The following HOXD9 variants were observed in gnomAD, a reference collection of about 807,000 sequenced individuals.
HOXD9 encodes homeobox protein Hox-D9.
In HOXD9, 21 loss-of-function variants were observed where a neutral mutation model predicts 24.6. The ratio of observed to expected loss-of-function variants is 0.85; its 90% CI spans 0.61 to 1.23. HOXD9 has a LOEUF of 1.23. Ranked by LOEUF, HOXD9 falls within the 50% of genes most tolerant of loss-of-function variation. HOXD9 has a pLI of 0.00. For missense variants in HOXD9, 503 were observed against 503.6 expected, an observed-to-expected ratio of 1.00 and a Z score of 0.01; for synonymous variants, 240 against 226.4, an observed-to-expected ratio of 1.06 and a Z score of -0.54.
At position 176,123,909 on chromosome 2, in the gene HOXD9, C is replaced by A; in HGVS notation, c.818-25C>A. 1 of 1,595,102 alleles carries A rather than the reference C, an allele frequency of 6.3e-7. No individual in the cohort carries two copies. Among genetic ancestry groups the A allele is most frequent in the Non-Finnish European group, 8.6e-7 (1 of 1,165,368 alleles). ...TGCCTCCCCTCCTCTCCTCTCTCCC[C>A]GTCTCCAAACCTCCCTCTTTGTAGA... is the stretch of plus-strand genomic sequence containing the variant. On this transcript the variant is annotated intron_variant, in intron 1 of 1. Transcript: ENST00000249499. The surrounding 1 kb of genome is among the most constrained non-coding windows in gnomAD (Gnocchi z 4.2).
At position 176,124,171 on chromosome 2, in the gene HOXD9, A is replaced by G; in HGVS notation, c.1055A>G (p.Asp352Gly). Residue 352 changes from aspartate to glycine, a missense_variant, in exon 2 of 2, where the codon GAC becomes GGC. Physicochemically the swap from Asp to Gly is moderately conservative, Grantham distance 94 (BLOSUM62 -1). Coordinates refer to ENST00000249499, the MANE Select transcript of HOXD9 (RefSeq NM_014213.4). ...AGCAAGGAGAAATGCCCCAAAGGAG[A>G]CTGACCCGGCGCGGTGCTGGCGGGA... ...KMSKEKCPKG[D>G] 2 of 1,605,470 alleles carry G rather than the reference A, an allele frequency of 1.2e-6. No individual in the cohort carries two copies. The highest frequency in any genetic ancestry group is 1.7e-6 in the Non-Finnish European group (2 of 1,173,324).
chr2:176,123,324 T>A lies in HOXD9; in HGVS notation c.556T>A (p.Ser186Thr), dbSNP rs1422606264. Residue 186 changes from serine (S) to threonine (T), a missense_variant, in exon 1 of 2, where the codon TCC becomes ACC. Coordinates refer to ENST00000249499, the MANE Select transcript of HOXD9 (RefSeq NM_014213.4). The surrounding 1 kb of genome is among the most constrained non-coding windows in gnomAD (Gnocchi z 4.2). ...TTSSSSTSLS[S>T]SSKRTECSVA... ...CTCCTCCTCCTCCACTTCCTTATCC[T>A]CCTCCTCCAAACGGACTGAGTGCTC... 12 of 1,548,606 alleles carry A rather than the reference T, an allele frequency of 7.7e-6. No homozygotes were observed. The highest frequency in any genetic ancestry group is 9.6e-6 in the Non-Finnish European group (11 of 1,146,174).
chr2:176,123,202 C>G lies in HOXD9; in HGVS notation c.434C>G (p.Pro145Arg). 1 of 1,432,574 alleles carries G rather than the reference C, an allele frequency of 7.0e-7. No homozygotes were observed. The highest frequency in any genetic ancestry group is 9.1e-7 in the Non-Finnish European group (1 of 1,094,068). The allele number at this position is 1,432,574 out of a possible 1,614,324, so 88.7% of individuals were successfully genotyped here. A position where few individuals can be genotyped will look rare whatever the true frequency, so the allele number is the denominator to read the frequency against. The change falls in exon 1 of 2, where the codon CCC becomes CGC. Residue 145 changes from proline (P) to arginine (R), a missense_variant. Pro to Arg is a moderately radical substitution (Grantham distance 103, BLOSUM62 -2). Coordinates refer to ENST00000249499, the MANE Select transcript of HOXD9 (RefSeq NM_014213.4). The surrounding 1 kb of genome is among the most constrained non-coding windows in gnomAD (Gnocchi z 4.2). ...GGGGGGPGRG[P>R]SPGPSGPANG... is the part of the protein sequence containing the mutation. ...GGAGGCGGCGGTCCGGGCCGCGGTCCCAGCCCTGGCCCCAGCGGCCCAGCC... is the reference window on the plus strand; with the variant it reads ...GGAGGCGGCGGTCCGGGCCGCGGTCGCAGCCCTGGCCCCAGCGGCCCAGCC...
Position 176,123,299 on chromosome 2 carries a change from C to G in HOXD9, c.531C>G (p.Thr177=). The G allele has an allele frequency of 1.3e-6, 2 of 1,529,648 alleles. No individual in the cohort carries two copies. The highest frequency in any genetic ancestry group is 1.8e-6 in the Non-Finnish European group (2 of 1,135,012). 94.8% of individuals were successfully genotyped at this position (1,529,648 alleles called of 1,614,324 possible). ...CCCCCGCCACGGCCGCCTCCACCACCTCCTCCTCCTCCACTTCCTTATCCT... is the reference window on the plus strand; with the variant it reads ...CCCCCGCCACGGCCGCCTCCACCACGTCCTCCTCCTCCACTTCCTTATCCT... ...APAPATAAST[T]SSSSTSLSSS... Residue 177 remains threonine (T), a synonymous_variant, in exon 1 of 2, where the codon ACC becomes ACG. Transcript: ENST00000249499. This position sits in a 1 kb window ranked among gnomAD's most constrained non-coding sequence, Gnocchi z 4.2.
chr2:176,123,641 T>C lies in HOXD9; in HGVS notation c.817+56T>C. 1 of 1,476,866 alleles carries C rather than the reference T, an allele frequency of 6.8e-7. No individual in the cohort carries two copies. Among genetic ancestry groups the C allele is most frequent in the Non-Finnish European group, 9.0e-7 (1 of 1,113,452 alleles). 91.5% of individuals were successfully genotyped at this position (1,476,866 alleles called of 1,614,324 possible). A position where few individuals can be genotyped will look rare whatever the true frequency, so the allele number is the denominator to read the frequency against. The stretch of plus-strand genomic sequence containing the variant: ...ATTGCTGAAACCTGTAAGGCTCGAA[T>C]GTGCAAAACTGATAGTTTTACTAAC... On this transcript the variant is annotated intron_variant, in intron 1 of 1. Transcript: ENST00000249499. The surrounding 1 kb of genome is among the most constrained non-coding windows in gnomAD (Gnocchi z 4.2).
Position 176,122,849 on chromosome 2 carries a change from C to A in HOXD9, c.81C>A (p.Gly27=). The change falls in exon 1 of 2, where the codon GGC becomes GGA. Residue 27 remains glycine, a synonymous_variant. Coordinates refer to ENST00000249499, the MANE Select transcript of HOXD9 (RefSeq NM_014213.4). ...LSNYYVDSLI[G]HEGDEVFAAR... is the part of the protein sequence containing the mutation. ...ACTACTACGTGGACTCGCTTATAGG[C>A]CATGAGGGCGACGAGGTGTTCGCGG... The A allele has an allele frequency of 6.3e-7, 1 of 1,590,976 alleles. No individual in the cohort carries two copies. Among genetic ancestry groups the A allele is most frequent in the South Asian group, 1.1e-5 (1 of 88,434 alleles).
In HOXD9 at chr2:176,123,809, C is replaced by A; in HGVS notation, c.818-125C>A. The stretch of plus-strand genomic sequence containing the variant: ...ATTAAGGCTTTTTATGATAATTCCC[C>A]ACAAGTTGTGAAAAGCGACCATCCT... On this transcript the variant is annotated intron_variant, in intron 1 of 1. Transcript: ENST00000249499. This position sits in a 1 kb window ranked among gnomAD's most constrained non-coding sequence, Gnocchi z 4.2. 3 of 1,047,048 alleles carry A rather than the reference C, an allele frequency of 2.9e-6. No homozygotes were observed. The highest frequency in any genetic ancestry group is 1.7e-5 in the South Asian group (1 of 60,150). 64.9% of individuals were successfully genotyped at this position (1,047,048 alleles called of 1,614,324 possible).
chr2:176,122,781 A>G lies in HOXD9; in HGVS notation c.13A>G (p.Ser5Gly). The G allele has an allele frequency of 6.6e-7, 1 of 1,517,408 alleles. No individual in the cohort carries two copies. The highest frequency in any genetic ancestry group is 8.8e-7 in the Non-Finnish European group (1 of 1,137,058). The allele number at this position is 1,517,408 out of a possible 1,614,324, so 94.0% of individuals were successfully genotyped here. The change falls in exon 1 of 2, where the codon AGT becomes GGT. Residue 5 changes from serine (S) to glycine (G), a missense_variant. Transcript: ENST00000249499. MLGG[S>G]AGRLKMSSSG... is the part of the protein sequence containing the mutation. The stretch of plus-strand genomic sequence containing the variant: ...GGCGGACAGTGTAATGTTGGGTGGG[A>G]GTGCGGGACGCCTCAAAATGTCTTC...
Position 176,123,999 on chromosome 2 carries a change from T to C in HOXD9, c.883T>C (p.Tyr295His), listed in dbSNP as rs371557389. The C allele has an allele frequency of 1.2e-6, 2 of 1,614,058 alleles. No individual in the cohort carries two copies. The highest frequency in any genetic ancestry group is 2.2e-5 in the East Asian group (1 of 44,868). ...TRKKRCPYTKYQTLELEKEFL... is the reference protein window; with the variant it reads ...TRKKRCPYTKHQTLELEKEFL... ...GAAAAAGCGCTGTCCCTACACCAAA[T>C]ACCAGACGCTTGAGCTGGAGAAAGA... is the stretch of plus-strand genomic sequence containing the variant. The change falls in exon 2 of 2, where the codon TAC (tyrosine) becomes CAC (histidine). Residue 295 changes from tyrosine (Y) to histidine (H), a missense_variant. Transcript: ENST00000249499. The surrounding 1 kb of genome is among the most constrained non-coding windows in gnomAD (Gnocchi z 4.2).
At position 176,122,913 on chromosome 2, in the gene HOXD9, C is replaced by G; in HGVS notation, c.145C>G (p.Pro49Ala). ...GCCGGGGCCAGGCGCGCAGGGCCGGCCTGCAGGTGTGGCTGATGGCCCGGC... is the reference window on the plus strand; with the variant it reads ...GCCGGGGCCAGGCGCGCAGGGCCGGGCTGCAGGTGTGGCTGATGGCCCGGC... ...GPPGPGAQGR[P>A]AGVADGPAAT... The change falls in exon 1 of 2, where the codon CCT becomes GCT. Residue 49 changes from proline (P) to alanine (A), a missense_variant. Transcript: ENST00000249499. 6.3e-7 allele frequency: 1 copy of G among 1,588,238 alleles called. No individual in the cohort carries two copies. The highest frequency in any genetic ancestry group is 8.6e-7 in the Non-Finnish European group (1 of 1,169,090).
Position 176,122,722 on chromosome 2 carries a change from C to G in HOXD9, c.-47C>G, listed in dbSNP as rs200294272. The G allele has an allele frequency of 6.9e-7, 1 of 1,453,884 alleles. No individual in the cohort carries two copies. The highest frequency in any genetic ancestry group is 1.5e-5 in the African/African-American group (1 of 67,150). 90.1% of individuals were successfully genotyped at this position (1,453,884 alleles called of 1,614,324 possible). On this transcript the variant is annotated 5_prime_UTR_variant, in exon 1 of 2. Transcript: ENST00000249499. ...TGGAGGCTGCAGCCTGCGAACTAGT[C>G]GGTGGCTCGGGCGCCGGCGGGGAGC...
Position 176,124,062 on chromosome 2 carries a change from T to C in HOXD9, c.946T>C (p.Tyr316His). ...CATGTACCTCACCCGGGACCGGCGC[T>C]ACGAGGTGGCCAGGATTCTCAACCT... is the stretch of plus-strand genomic sequence containing the variant. ...FNMYLTRDRR[Y>H]EVARILNLTE... is the part of the protein sequence containing the mutation. The change falls in exon 2 of 2, where the codon TAC (tyrosine) becomes CAC (histidine). Residue 316 changes from tyrosine to histidine, a missense_variant. By Grantham distance (83) the Tyr-to-His change is moderately conservative (BLOSUM62 2). Transcript: ENST00000249499. 6.2e-7 allele frequency: 1 copy of C among 1,614,162 alleles called. No individual in the cohort carries two copies. The highest frequency in any genetic ancestry group is 8.5e-7 in the Non-Finnish European group (1 of 1,180,028).
Position 176,124,281 on chromosome 2 carries a change from T to C in HOXD9, c.*106T>C. On this transcript the variant is annotated 3_prime_UTR_variant, in exon 2 of 2. Transcript: ENST00000249499. ...TGATTTCCAGAAACTCTCCAGCGAC[T>C]TGGACTTCTTCTTCTTTTTTTTTTT... is the stretch of plus-strand genomic sequence containing the variant. 7 of 1,456,056 alleles carry C rather than the reference T, an allele frequency of 4.8e-6. No individual in the cohort carries two copies. The highest frequency in any genetic ancestry group is 5.5e-6 in the Non-Finnish European group (6 of 1,100,316). The allele number at this position is 1,456,056 out of a possible 1,614,324, so 90.2% of individuals were successfully genotyped here.
At position 176,122,985 on chromosome 2, in the gene HOXD9, G is replaced by A; in HGVS notation, c.217G>A (p.Ala73Thr). The part of the protein sequence containing the change: ...FASCSFAPRS[A>T]VFSASWSAVP... ...CTCGTGTAGTTTTGCCCCCAGATCG[G>A]CCGTGTTCTCTGCCTCGTGGTCCGC... Residue 73 changes from alanine to threonine, a missense_variant, in exon 1 of 2, where the codon GCC (alanine) becomes ACC (threonine). Transcript: ENST00000249499. 1 of 1,597,636 alleles carries A rather than the reference G, an allele frequency of 6.3e-7. No individual in the cohort carries two copies. The highest frequency in any genetic ancestry group is 1.1e-5 in the South Asian group (1 of 89,582).
In HOXD9 at chr2:176,122,847, G is replaced by A. The variant is rs781487847; in HGVS notation, c.79G>A (p.Gly27Ser). Residue 27 changes from glycine to serine, a missense_variant, in exon 1 of 2, where the codon GGC becomes AGC. Physicochemically the swap from Gly to Ser is moderately conservative, Grantham distance 56. Coordinates refer to ENST00000249499, the MANE Select transcript of HOXD9 (RefSeq NM_014213.4). ...LSNYYVDSLI[G>S]HEGDEVFAAR... ...CAACTACTACGTGGACTCGCTTATA[G>A]GCCATGAGGGCGACGAGGTGTTCGC... The A allele has an allele frequency of 6.9e-6, 11 of 1,590,208 alleles. No individual in the cohort carries two copies. The Admixed American group carries it at 1.8e-4, about 26-fold the overall frequency.
At position 176,122,949 on chromosome 2, in the gene HOXD9, G is replaced by A. The variant is rs760454637; in HGVS notation, c.181G>A (p.Ala61Thr). The A allele has an allele frequency of 3.8e-6, 6 of 1,584,182 alleles. No individual in the cohort carries two copies. The highest frequency in any genetic ancestry group is 2.3e-5 in the South Asian group (2 of 87,930). ...GGCTGATGGCCCGGCCGCCACCGCC[G>A]CCGAGTTCGCCTCGTGTAGTTTTGC... The part of the protein sequence containing the change: ...GVADGPAATA[A>T]EFASCSFAPR... The change falls in exon 1 of 2, where the codon GCC becomes ACC. Residue 61 changes from alanine (A) to threonine (T), a missense_variant. Transcript: ENST00000249499.
chr2:176,122,731 G>C lies in HOXD9; in HGVS notation c.-38G>C, dbSNP rs532928491. 1,573 of 1,453,840 alleles carry C rather than the reference G, an allele frequency of 1.1e-3. 2 individuals are homozygous for C. The highest frequency in any genetic ancestry group is 1.4e-3 in the Non-Finnish European group (1,501 of 1,104,468). 90.1% of individuals were successfully genotyped at this position (1,453,840 alleles called of 1,614,324 possible). A position where few individuals can be genotyped will look rare whatever the true frequency, so the allele number is the denominator to read the frequency against. On this transcript the variant is annotated 5_prime_UTR_variant, in exon 1 of 2. Coordinates refer to ENST00000249499, the MANE Select transcript of HOXD9 (RefSeq NM_014213.4). ...CAGCCTGCGAACTAGTCGGTGGCTC[G>C]GGCGCCGGCGGGGAGCTGCTCGGCG...
In HOXD9 at chr2:176,123,132, C is replaced by T; in HGVS notation, c.364C>T (p.Pro122Ser). The T allele has an allele frequency of 7.0e-7, 1 of 1,423,252 alleles. No individual in the cohort carries two copies. 88.2% of individuals were successfully genotyped at this position (1,423,252 alleles called of 1,614,324 possible). The stretch of plus-strand genomic sequence containing the variant: ...CCGCTACGTGCGCTCCTGGATGGAG[C>T]CGCTGCCCGGCTTCCCGGGCGGTGC... ...PGRYVRSWME[P>S]LPGFPGGAGG... is the part of the protein sequence containing the mutation. Residue 122 changes from proline (P) to serine (S), a missense_variant, in exon 1 of 2, where the codon CCG (proline) becomes TCG (serine). Physicochemically the swap from Pro to Ser is moderately conservative, Grantham distance 74. Transcript: ENST00000249499. The surrounding 1 kb of genome is among the most constrained non-coding windows in gnomAD (Gnocchi z 4.2).
At position 176,124,053 on chromosome 2, in the gene HOXD9, G is replaced by C; in HGVS notation, c.937G>C (p.Asp313His). The change falls in exon 2 of 2, where the codon GAC becomes CAC. Residue 313 changes from aspartate to histidine, a missense_variant. Transcript: ENST00000249499. ...CCTCTTCAACATGTACCTCACCCGG[G>C]ACCGGCGCTACGAGGTGGCCAGGAT... is the stretch of plus-strand genomic sequence containing the variant. ...EFLFNMYLTR[D>H]RRYEVARILN... 1.2e-6 allele frequency: 2 copies of C among 1,614,162 alleles called. No homozygotes were observed.
Sources: allele counts gnomAD v4.1 joint callset, GRCh38; gene constraint gnomAD v4.1.1; non-coding constraint Gnocchi (gnomAD v3.1); transcripts MANE v1.5; gene names NCBI Gene and HGNC (gene_info 2026-07-23, HGNC 2026-07-21).